The following SH3KBP1 variants were observed in gnomAD, a reference collection of about 807,000 sequenced individuals.
The protein encoded by SH3KBP1 is SH3 domain-containing kinase-binding protein 1.
A neutral mutation model predicts 50.1 loss-of-function variants in SH3KBP1; 8 were observed. That is an observed-to-expected ratio of 0.16 (90% CI 0.09 to 0.29). The LOEUF (loss-of-function observed/expected upper bound fraction) is 0.29, where lower values mean the gene tolerates loss of function less well. SH3KBP1 is among the 10% of genes least tolerant of loss of function. The probability of loss-of-function intolerance (pLI) is 1.00; values close to 1 mark genes in which losing one functional copy is unlikely to be tolerated. For missense variants in SH3KBP1, 377 were observed against 535.2 expected (o/e 0.70, Z 2.92); for synonymous variants, 227 against 218.6 (o/e 1.04, Z -0.34).
intron 6 of SH3KBP1, among the ~76,000 whole-genome samples, chrX:19,661,163 C>T (rs2062438770): frequency 8.9e-6 from 1 of 112,631 alleles, no homozygotes; most frequent in Non-Finnish European, 1.9e-5. Context: ...AAACTGCTTT[C>T]CCACGGTATT....
intron 3 of SH3KBP1, among the ~76,000 whole-genome samples, chrX:19,722,716 T>C (rs926042350): frequency 4.6e-5 from 5 of 108,694 alleles, no homozygotes; most frequent in African/African-American, 1.7e-4. Flanking sequence ...CCTGGAGGGA[T>C]TGCCTGACTT....
chrX:19,547,970 T>C (rs2065131060), intron 14 of SH3KBP1, among the ~76,000 whole-genome samples: 1 of 112,940 alleles, frequency 8.9e-6, no homozygotes, highest in African/African-American at 3.2e-5. Context: ...AATATATCCT[T>C]TTGTTTTAAG....
intron 4 of SH3KBP1, among the ~76,000 whole-genome samples, chrX:19,705,032 T>C (rs1425972919): frequency 8.9e-6 from 1 of 112,343 alleles, no homozygotes; most frequent in Non-Finnish European, 1.9e-5. Flanking sequence ...AATACAGACA[T>C]ACAAATTCAC....
chrX:19,589,967 C>T (rs1484865832), intron 11 of SH3KBP1, among the ~76,000 whole-genome samples: 1 of 110,357 alleles, frequency 9.1e-6, no homozygotes. Flanking sequence ...AAAAACTAGC[C>T]GGGCATGGTG....
intron 2 of SH3KBP1, among the ~76,000 whole-genome samples, chrX:19,799,309 G>A (rs2066824539): frequency 9.0e-6 from 1 of 111,594 alleles, no homozygotes; most frequent in African/African-American, 3.3e-5. Context: ...CCTGGCTGTC[G>A]ATAGTGATCA....
chrX:19,765,036 A>G (rs1190872110), intron 2 of SH3KBP1, among the ~76,000 whole-genome samples: 10 of 77,010 alleles, frequency 1.3e-4, no homozygotes, highest in Admixed American at 6.1e-4. Context: ...GGGTTTCACC[A>G]TGTTGGCCAG....
At chrX:19,702,429 T>C (rs1477329459) in intron 4 of SH3KBP1, among the ~76,000 whole-genome samples, 1 of 111,563 alleles carries the variant, frequency 9.0e-6, no homozygotes, top group Non-Finnish European at 1.9e-5. Flanking sequence ...TTATCATCTT[T>C]GCAAGCCACA....
rs187303359 is a variant in SH3KBP1, at chrX:19,609,712, C to T, written c.898-1667G>A. ...CCATGGCTTGTATGGCTCATTTGTA[C>T]CTTGTTAGATCATACATTCCAGCAA... On this transcript the variant is annotated intron_variant, in intron 8 of 17. Transcript: ENST00000397821. 8.1e-5 allele frequency among the ~76,000 whole-genome samples: 9 copies of T among 111,773 alleles called. No individual in the cohort carries two copies. In the South Asian group the frequency reaches 2.6e-3, roughly 33 times the overall value.
At chrX:19,554,087 AAATATAATAT>A (rs1458802379) in intron 13 of SH3KBP1, among the ~76,000 whole-genome samples, 1,068 of 70,566 alleles carry the variant, frequency 0.015, 22 homozygotes, top group Middle Eastern at 0.032. Flanking sequence ...ATATATATTA[AAATATAATAT>A]TATATATCAT....
intron 8 of SH3KBP1, among the ~76,000 whole-genome samples, chrX:19,608,912 G>A (rs1197250541): frequency 8.9e-6 from 1 of 112,277 alleles, no homozygotes; most frequent in Non-Finnish European, 1.9e-5. Flanking sequence ...TGCAATGTTG[G>A]CATCCTAAAT....
intron 8 of SH3KBP1, among the ~76,000 whole-genome samples, chrX:19,630,227 TC>T (rs1324295571): frequency 1.8e-5 from 2 of 110,735 alleles, no homozygotes; most frequent in Non-Finnish European, 3.8e-5. Context: ...AGTCCCCCGC[TC>T]CCTCCCACTG....
chrX:19,836,365 G>A, intron 1 of SH3KBP1, 83 bp from the exon 2 acceptor site: 24 of 849,983 alleles, frequency 2.8e-5, no homozygotes, highest in Non-Finnish European at 4.1e-5. Context: ...GGCCAGTAAA[G>A]TAACATTAAA....
chrX:19,667,269 T>C, intron 6 of SH3KBP1, among the ~76,000 whole-genome samples: 1 of 111,931 alleles, frequency 8.9e-6, no homozygotes, highest in Non-Finnish European at 1.9e-5. Context: ...TGGAGATGGA[T>C]AGTGATGACG....
chrX:19,771,057 G>A (rs2065776472), intron 2 of SH3KBP1, among the ~76,000 whole-genome samples: 2 of 111,697 alleles, frequency 1.8e-5, no homozygotes, highest in South Asian at 7.4e-4. Context: ...CAGGGAATGG[G>A]GGGTTGAGCC....
At chrX:19,849,178 G>A (rs1488881613) in intron 1 of SH3KBP1, among the ~76,000 whole-genome samples, 1 of 110,356 alleles carries the variant, frequency 9.1e-6, no homozygotes, top group Non-Finnish European at 1.9e-5. Flanking sequence ...GTGTGTCACC[G>A]CTGGCAAAAT....
intron 16 of SH3KBP1, 42 bp from the exon 17 acceptor site, chrX:19,537,822 T>G: frequency 9.4e-7 from 1 of 1,069,297 alleles, no homozygotes. Context: ...AATCCCAGAC[T>G]TCCTTCATCA....
chrX:19,871,956 G>A (rs2147538946), intron 1 of SH3KBP1, among the ~76,000 whole-genome samples: 1 of 110,672 alleles, frequency 9.0e-6, no homozygotes, highest in African/African-American at 3.3e-5. Context: ...ATATCAGTCA[G>A]GTAAAAGAAT....
intron 2 of SH3KBP1, among the ~76,000 whole-genome samples, chrX:19,773,856 G>GAAAA (rs59381892): frequency 4.7e-4 from 7 of 14,919 alleles, no homozygotes; most frequent in Admixed American, 9.7e-4. Flanking sequence ...ACTCCGGCTC[G>GAAAA]AAAAAAAAAA....
At chrX:19,842,943 A>G (rs1243368069) in intron 1 of SH3KBP1, among the ~76,000 whole-genome samples, 1 of 107,050 alleles carries the variant, frequency 9.3e-6, no homozygotes, top group South Asian at 4.1e-4. Context: ...TTGCTACCTT[A>G]GTTAAGGAAG....
Sources: gnomAD v4.1 joint callset for allele counts (sites outside exome capture counted in the v4.1 genomes callset) on GRCh38, gnomAD v4.1.1 for gene constraint, MANE v1.5 for transcripts, NCBI Gene and HGNC (gene_info 2026-07-23, HGNC 2026-07-21) for gene names.